The following DUSP22 variants were observed in gnomAD, a reference collection of about 807,000 sequenced individuals.
DUSP22 encodes dual specificity protein phosphatase 22.
Under a neutral mutation model 24.5 loss-of-function variants are expected in DUSP22, and 24 were observed. That is an observed-to-expected ratio of 0.98 (90% confidence interval 0.71 to 1.38). The LOEUF is 1.38. DUSP22 is among the 40% of genes most tolerant of loss of function. DUSP22 has a pLI of 0.00. For missense variants in DUSP22, 330 were observed against 269.2 expected, an observed-to-expected ratio of 1.23 and a Z score of -1.58; for synonymous variants, 160 against 106.4, an observed-to-expected ratio of 1.50 and a Z score of -3.10.
At chr6:295,471 AAAGATG>A (rs1391979825) in intron 1 of DUSP22, among the ~76,000 whole-genome samples, 2 of 152,280 alleles carry the variant, frequency 1.3e-5, no homozygotes, top group Non-Finnish European at 2.9e-5. Flanking sequence ...CTAGAAAATT[AAAGATG>A]AGGAAATAAA....
Position 350,507 on chromosome 6 carries a change from G to C in DUSP22, c.*1556G>C. On this transcript the variant is annotated 3_prime_UTR_variant, in exon 7 of 7. Transcript: ENST00000419235. The stretch of plus-strand genomic sequence containing the variant: ...AGAGCAGTTTTCCTGTGCATATAGA[G>C]GGTGTGTCAAAGGTGAGCTTTTTGG... 7.8e-7 allele frequency: 1 copy of C among 1,289,304 alleles called. No individual in the cohort carries two copies. Among genetic ancestry groups the C allele is most frequent in the Non-Finnish European group, 9.9e-7 (1 of 1,014,730 alleles). The allele number at this position is 1,289,304 out of a possible 1,614,324, so 79.9% of individuals were successfully genotyped here.
intron 3 of DUSP22, among the ~76,000 whole-genome samples, chr6:314,054 G>A (rs1338624385): frequency 6.6e-6 from 1 of 152,306 alleles, no homozygotes; most frequent in Admixed American, 6.5e-5. Flanking sequence ...TGGGGAATTA[G>A]CGGACGGGTT....
chr6:301,614 G>A (rs1047575200), intron 1 of DUSP22, among the ~76,000 whole-genome samples: 20 of 152,288 alleles, frequency 1.3e-4, no homozygotes, highest in Non-Finnish European at 5.9e-5. Flanking sequence ...TGTGTGAATT[G>A]AGGCTCTGCG....
intron 3 of DUSP22, among the ~76,000 whole-genome samples, chr6:312,347 T>G (rs188478345): frequency 0.056 from 8,368 of 149,798 alleles, 16 homozygotes; most frequent in Non-Finnish European, 0.082. Context: ...CCATTTAAAC[T>G]CAAATAGCTA....
At chr6:329,007 C>A (rs1265903872) in intron 3 of DUSP22, among the ~76,000 whole-genome samples, 1 of 152,306 alleles carries the variant, frequency 6.6e-6, no homozygotes, top group East Asian at 1.9e-4. Flanking sequence ...GAAAGTCATA[C>A]CTGGAGGAGA....
At chr6:304,897 C>T (rs1340629640) in intron 2 of DUSP22, among the ~76,000 whole-genome samples, 4 of 1,148 alleles carry the variant, frequency 3.5e-3, no homozygotes, top group East Asian at 0.5. Flanking sequence ...TGCTTTCTGC[C>T]TCTATGAATC....
chr6:317,320 T>TTGC (rs1758378865), intron 3 of DUSP22, among the ~76,000 whole-genome samples: 1 of 152,300 alleles, frequency 6.6e-6, no homozygotes, highest in African/African-American at 2.4e-5. Flanking sequence ...CGTGTTCCTC[T>TTGC]TGCTGATCCA....
chr6:350,419 C>A lies in DUSP22; in HGVS notation c.*1468C>A. 1.8e-6 allele frequency: 2 copies of A among 1,115,324 alleles called. No individual in the cohort carries two copies. The highest frequency in any genetic ancestry group is 4.1e-4 in the Middle Eastern group (1 of 2,420). 69.1% of individuals were successfully genotyped at this position (1,115,324 alleles called of 1,614,324 possible). A position where few individuals can be genotyped will look rare whatever the true frequency, so the allele number is the denominator to read the frequency against. On this transcript the variant is annotated 3_prime_UTR_variant, in exon 7 of 7. Transcript: ENST00000419235. ...AATGAAAAAACATACTCGACCTCTCCCTAAAAAGATGTTGCAACCCAGTTT... is the reference window on the plus strand; with the variant it reads ...AATGAAAAAACATACTCGACCTCTCACTAAAAAGATGTTGCAACCCAGTTT...
intron 1 of DUSP22, 52 bp from the exon 2 acceptor site, chr6:304,576 A>G (rs1581148297): frequency 6.2e-7 from 1 of 1,613,664 alleles, no homozygotes; most frequent in East Asian, 2.2e-5. Flanking sequence ...CTTCTGCAAT[A>G]CCATCCACTT....
intron 3 of DUSP22, among the ~76,000 whole-genome samples, chr6:318,221 T>C (rs561637210): frequency 3.3e-4 from 51 of 152,364 alleles, no homozygotes; most frequent in Non-Finnish European, 7.1e-4. Flanking sequence ...CATTAAAAGC[T>C]TGGCTCTACA....
At chr6:339,969 A>G (rs1051500739) in intron 4 of DUSP22, among the ~76,000 whole-genome samples, 1 of 152,304 alleles carries the variant, frequency 6.6e-6, no homozygotes, top group Admixed American at 6.5e-5. Flanking sequence ...CTCCTGCTCA[A>G]GGAGAAAATG....
chr6:299,361 A>G (rs1757481641), intron 1 of DUSP22, among the ~76,000 whole-genome samples: 1 of 152,420 alleles, frequency 6.6e-6, no homozygotes, highest in Non-Finnish European at 1.5e-5. Flanking sequence ...CTTTCTCTGT[A>G]TTCAGGGATT....
At position 349,403 on chromosome 6, in the gene DUSP22, T is replaced by A. The variant is rs1014684787; in HGVS notation, c.*452T>A. Reference sequence around the variant, plus strand: ...ATTCATATTGCTGCCCGGGTTGGTGTGGCCACCTTTCCCTTTGTCCAAGAC... The same window carrying A: ...ATTCATATTGCTGCCCGGGTTGGTGAGGCCACCTTTCCCTTTGTCCAAGAC... On this transcript the variant is annotated 3_prime_UTR_variant, in exon 7 of 7. Transcript: ENST00000419235. The A allele has an allele frequency of 5.9e-6, 6 of 1,021,234 alleles. No individual in the cohort carries two copies. The highest frequency in any genetic ancestry group is 7.0e-6 in the Non-Finnish European group (6 of 852,152). 63.3% of individuals were successfully genotyped at this position (1,021,234 alleles called of 1,614,324 possible).
intron 1 of DUSP22, 45 bp from the exon 2 acceptor site, chr6:304,583 A>T: frequency 6.2e-7 from 1 of 1,614,050 alleles, no homozygotes; most frequent in East Asian, 2.2e-5. Flanking sequence ...AATACCATCC[A>T]CTTAGAGTCT....
chr6:334,093 G>T (rs543613713), intron 3 of DUSP22, among the ~76,000 whole-genome samples: 1 of 152,304 alleles, frequency 6.6e-6, no homozygotes, highest in Admixed American at 6.5e-5. Context: ...CTGAAGATGC[G>T]TTGCGTTGTA....
intron 3 of DUSP22, among the ~76,000 whole-genome samples, chr6:323,238 G>T (rs1468186988): frequency 3.7e-5 from 4 of 108,008 alleles, no homozygotes; most frequent in African/African-American, 1.4e-4. Flanking sequence ...AGGCGTGTGT[G>T]CATGTGTGTG....
intron 3 of DUSP22, among the ~76,000 whole-genome samples, chr6:324,727 G>A (rs1458505029): frequency 1.3e-5 from 2 of 152,304 alleles, no homozygotes; most frequent in Non-Finnish European, 2.9e-5. Flanking sequence ...GGAGGATGTG[G>A]TGTTCGGCTG....
chr6:301,699 G>A (rs115820219), intron 1 of DUSP22, among the ~76,000 whole-genome samples: 1,674 of 151,622 alleles, frequency 0.011, no homozygotes, highest in African/African-American at 0.039. Context: ...AGAGAGAGGT[G>A]CCACAGCGGT....
chr6:329,746 C>G (rs1759057974), intron 3 of DUSP22, among the ~76,000 whole-genome samples: 1 of 152,296 alleles, frequency 6.6e-6, no homozygotes, highest in South Asian at 2.1e-4. Flanking sequence ...GCCACCATGC[C>G]CAGCCTACGA....
Sources: gnomAD v4.1 joint callset for allele counts (sites outside exome capture counted in the v4.1 genomes callset) on GRCh38, gnomAD v4.1.1 for gene constraint, MANE v1.5 for transcripts, NCBI Gene and HGNC (gene_info 2026-07-23, HGNC 2026-07-21) for gene names.